The following MARK1 variants were observed in gnomAD, a reference collection of about 807,000 sequenced individuals.
MARK1 encodes the protein serine/threonine-protein kinase MARK1.
A neutral mutation model predicts 96.3 loss-of-function variants in MARK1; 40 were observed. That is an observed-to-expected ratio of 0.42 (90% confidence interval 0.32 to 0.54). The LOEUF (loss-of-function observed/expected upper bound fraction) is 0.54. Among genes scored for constraint, MARK1 ranks in the 20% least tolerant of loss-of-function variants. MARK1 has a pLI of 0.16. For synonymous variants in MARK1, 317 were observed against 341.2 expected (o/e 0.93, Z 0.78); for missense variants, 719 against 984.6 (o/e 0.73, Z 3.61).
intron 1 of MARK1, among the ~76,000 whole-genome samples, chr1:220,542,645 T>C (rs1661223587): frequency 6.6e-6 from 1 of 152,232 alleles, no homozygotes; most frequent in Admixed American, 6.5e-5. Context: ...ACTTAGTATT[T>C]GACTCCAGGG....
chr1:220,568,581 A>T (rs1186852424), intron 1 of MARK1, among the ~76,000 whole-genome samples: 1 of 152,168 alleles, frequency 6.6e-6, no homozygotes, highest in Admixed American at 6.6e-5. Flanking sequence ...CTGTTGCAGG[A>T]TATTTAACAA....
At chr1:220,610,740 G>A (rs529628881) in intron 6 of MARK1, among the ~76,000 whole-genome samples, 2 of 152,192 alleles carry the variant, frequency 1.3e-5, no homozygotes, top group South Asian at 4.2e-4. Flanking sequence ...GGGTTTTTAT[G>A]TAGATGACCT....
intron 6 of MARK1, among the ~76,000 whole-genome samples, chr1:220,614,595 T>C (rs777081529): frequency 1.3e-5 from 2 of 151,858 alleles, no homozygotes; most frequent in Non-Finnish European, 2.9e-5. Context: ...TATACCTCCA[T>C]AATACAAGGT....
chr1:220,589,160 T>C (rs1664828185), intron 3 of MARK1, among the ~76,000 whole-genome samples: 2 of 152,158 alleles, frequency 1.3e-5, no homozygotes, highest in South Asian at 4.1e-4. Flanking sequence ...TCCTGTGACA[T>C]TGATGAGACC....
chr1:220,537,245 C>T (rs1212487826), intron 1 of MARK1, among the ~76,000 whole-genome samples: 1 of 114,988 alleles, frequency 8.7e-6, no homozygotes, highest in Admixed American at 9.7e-5. Flanking sequence ...CCCCTCCCCC[C>T]ACCCCACAAC....
chr1:220,625,346 A>G (rs1667266809), intron 9 of MARK1, among the ~76,000 whole-genome samples: 1 of 152,222 alleles, frequency 6.6e-6, no homozygotes, highest in Non-Finnish European at 1.5e-5. Context: ...TGTACTGACC[A>G]TTTAGTGCTG....
Position 220,653,353 on chromosome 1 carries a change from G to A in MARK1, c.1988+1G>A, listed in dbSNP as rs761950864. ...AAATCACATCCAAATTTGTTCGCAG[G>A]TCAGTACCAATGTACTGTCGTGTTT... On this transcript the variant is annotated splice_donor_variant, in intron 16 of 17. Transcript: ENST00000366917. LOFTEE classifies it high-confidence loss of function. 1 of 1,614,140 alleles carries A rather than the reference G, an allele frequency of 6.2e-7. No homozygotes were observed. Among genetic ancestry groups the A allele is most frequent in the East Asian group, 2.2e-5 (1 of 44,876 alleles).
At chr1:220,609,639 C>A (rs1558295795) in intron 6 of MARK1, among the ~76,000 whole-genome samples, 1 of 152,182 alleles carries the variant, frequency 6.6e-6, no homozygotes, top group African/African-American at 2.4e-5. Flanking sequence ...GATGCAGTTT[C>A]TTCATAGCAT....
At chr1:220,582,973 T>A (rs1489841640) in intron 3 of MARK1, among the ~76,000 whole-genome samples, 2 of 152,208 alleles carry the variant, frequency 1.3e-5, no homozygotes, top group Non-Finnish European at 2.9e-5. Context: ...CTTTTAGAAG[T>A]TCTGAAGGAA....
intron 1 of MARK1, among the ~76,000 whole-genome samples, chr1:220,554,164 G>A (rs547787627): frequency 6.6e-6 from 1 of 152,216 alleles, no homozygotes; most frequent in Admixed American, 6.5e-5. Context: ...ATTTATGTGG[G>A]ATGTATATCT....
At chr1:220,534,631 C>T (rs1443523144) in intron 1 of MARK1, among the ~76,000 whole-genome samples, 1 of 152,094 alleles carries the variant, frequency 6.6e-6, no homozygotes, top group African/African-American at 2.4e-5. Flanking sequence ...AGAAATTTTT[C>T]ATCTTGTGTG....
At position 220,663,784 on chromosome 1, in the gene MARK1, GTGT is replaced by G. The variant is rs1011520045; in HGVS notation, c.*1620_*1622del. 2.0e-5 allele frequency: 3 copies of G among 150,280 alleles called. No homozygotes were observed. Among genetic ancestry groups the G allele is most frequent in the African/African-American group, 7.4e-5 (3 of 40,392 alleles). 9.3% of individuals were successfully genotyped at this position (150,280 alleles called of 1,614,324 possible). The stretch of plus-strand genomic sequence containing the variant: ...TTTTTTTTTGCCTTAGCAAAGGGTG[GTGT>G]TTGAAAAAAAAAATGTGTAGCCCCT... On this transcript the variant is annotated 3_prime_UTR_variant, in exon 18 of 18. Transcript: ENST00000366917.
chr1:220,659,349 G>T (rs940921079), intron 17 of MARK1, among the ~76,000 whole-genome samples: 10 of 152,122 alleles, frequency 6.6e-5, no homozygotes, highest in African/African-American at 2.4e-4. Context: ...TGTCATTTCA[G>T]GGAGATGAGG....
At chr1:220,651,916 C>T in intron 14 of MARK1, 70 bp from the exon 15 acceptor site, 3 of 1,306,444 alleles carry the variant, frequency 2.3e-6, no homozygotes, top group Non-Finnish European at 3.1e-6. Flanking sequence ...AAATATAGTT[C>T]TTAAATTTTA....
At chr1:220,613,552 G>A (rs1483711904) in intron 6 of MARK1, among the ~76,000 whole-genome samples, 1 of 152,030 alleles carries the variant, frequency 6.6e-6, no homozygotes, top group Admixed American at 6.6e-5. Context: ...ACTAACAAAA[G>A]ATAATGTAAT....
chr1:220,567,919 A>G (rs906313854), intron 1 of MARK1, among the ~76,000 whole-genome samples: 1 of 152,106 alleles, frequency 6.6e-6, no homozygotes, highest in East Asian at 1.9e-4. Context: ...GTATTTGCCT[A>G]GTATATTTTA....
intron 6 of MARK1, among the ~76,000 whole-genome samples, chr1:220,612,957 A>C (rs1666535713): frequency 6.6e-6 from 1 of 152,156 alleles, no homozygotes; most frequent in Non-Finnish European, 1.5e-5. Flanking sequence ...CAATTCTTGC[A>C]ATATCAAGTC....
intron 2 of MARK1, 110 bp downstream of exon 2, chr1:220,579,667 C>A: frequency 1.3e-6 from 1 of 791,996 alleles, no homozygotes; most frequent in Non-Finnish European, 2.1e-6. Context: ...ATATGATTAA[C>A]ACTGGGGTGT....
intron 1 of MARK1, among the ~76,000 whole-genome samples, chr1:220,549,004 C>G (rs150379381): frequency 1.3e-5 from 2 of 152,224 alleles, no homozygotes; most frequent in Middle Eastern, 3.4e-3. Context: ...AGGGGAGTAT[C>G]TTAGGGAGAA....
Sources: allele counts gnomAD v4.1 joint callset (sites outside exome capture counted in the v4.1 genomes callset), GRCh38; gene constraint gnomAD v4.1.1; transcripts MANE v1.5; gene names NCBI Gene and HGNC (gene_info 2026-07-23, HGNC 2026-07-21).